Variants in NKAIN3 observed in about 807,000 individuals in gnomAD.
The protein encoded by NKAIN3 is sodium/potassium transporting ATPase interacting 3, also known as sodium/potassium-transporting ATPase subunit beta-1-interacting protein 3.
A neutral mutation model predicts 30.2 loss-of-function variants in NKAIN3; 25 were observed. The ratio of observed to expected loss-of-function variants is 0.83; its 90% confidence interval spans 0.60 to 1.16. The LOEUF (loss-of-function observed/expected upper bound fraction) is 1.16, where lower values mean the gene tolerates loss of function less well. NKAIN3 is among the 50% of genes most tolerant of loss of function. The pLI, the probability that NKAIN3 is intolerant of heterozygous loss-of-function variation, is 0.00. For synonymous variants in NKAIN3, 91 were observed against 89.6 expected, an observed-to-expected ratio of 1.02 and a Z score of -0.09; for missense variants, 225 against 254.1, an observed-to-expected ratio of 0.89 and a Z score of 0.78.
At chr8:62,388,806 G>A (rs368732978) in intron 1 of NKAIN3, among the ~76,000 whole-genome samples, 5 of 152,174 alleles carry the variant, frequency 3.3e-5, no homozygotes, top group African/African-American at 1.2e-4. Context: ...GCGTGCTGTT[G>A]AGTGTAAGGT....
chr8:62,504,203 C>G (rs1321440285), intron 1 of NKAIN3, among the ~76,000 whole-genome samples: 1 of 152,096 alleles, frequency 6.6e-6, no homozygotes, highest in East Asian at 1.9e-4. Context: ...TGAGGTGGAA[C>G]AGTTTCATCC....
At chr8:62,645,440 G>A (rs1248772251) in intron 3 of NKAIN3, among the ~76,000 whole-genome samples, 1 of 152,146 alleles carries the variant, frequency 6.6e-6, no homozygotes, top group Non-Finnish European at 1.5e-5. Flanking sequence ...AGGGATAGAT[G>A]TAGGGAGAAT....
At chr8:62,302,164 G>A (rs1460344508) in intron 1 of NKAIN3, among the ~76,000 whole-genome samples, 2 of 152,068 alleles carry the variant, frequency 1.3e-5, no homozygotes, top group South Asian at 2.1e-4. Flanking sequence ...ACTTGGCAGT[G>A]TTTTCTATTT....
At chr8:62,512,627 A>G (rs1807848389) in intron 1 of NKAIN3, among the ~76,000 whole-genome samples, 1 of 152,136 alleles carries the variant, frequency 6.6e-6, no homozygotes, top group Non-Finnish European at 1.5e-5. Flanking sequence ...TCTAGAAGTG[A>G]CATTGGGGAA....
At chr8:62,650,083 C>G (rs771743892) in intron 3 of NKAIN3, among the ~76,000 whole-genome samples, 1 of 151,940 alleles carries the variant, frequency 6.6e-6, no homozygotes, top group Non-Finnish European at 1.5e-5. Flanking sequence ...GAAAAAAAAA[C>G]TGCATTTTGA....
chr8:62,761,861 T>C (rs1816674836), intron 4 of NKAIN3, among the ~76,000 whole-genome samples: 1 of 152,224 alleles, frequency 6.6e-6, no homozygotes, highest in Admixed American at 6.5e-5. Context: ...AGAGTTTATA[T>C]TGAGACTTAC....
At chr8:62,506,476 C>CTTTCTTTCTTTCTTTTT (rs71559373) in intron 1 of NKAIN3, among the ~76,000 whole-genome samples, 2 of 98,438 alleles carry the variant, frequency 2.0e-5, no homozygotes, top group Admixed American at 1.2e-4. Context: ...TTCTTTCTTT[C>CTTTCTTTCTTTCTTTTT]TTTTTTTTTT....
intron 4 of NKAIN3, among the ~76,000 whole-genome samples, chr8:62,820,788 C>A (rs1433334867): frequency 6.6e-6 from 1 of 152,010 alleles, no homozygotes; most frequent in Admixed American, 6.6e-5. Context: ...GTTAGAATAC[C>A]ATATTAGGGA....
At chr8:62,836,182 A>G (rs1001635332) in intron 4 of NKAIN3, among the ~76,000 whole-genome samples, 1 of 152,062 alleles carries the variant, frequency 6.6e-6, no homozygotes, top group Admixed American at 6.6e-5. Flanking sequence ...ACGGAATACC[A>G]GAGAGGTGAT....
At chr8:62,395,221 A>G (rs2129594863) in intron 1 of NKAIN3, among the ~76,000 whole-genome samples, 1 of 140,724 alleles carries the variant, frequency 7.1e-6, no homozygotes, top group South Asian at 2.3e-4. Flanking sequence ...TCCCAGACCG[A>G]GGGAGGTGCG....
intron 1 of NKAIN3, among the ~76,000 whole-genome samples, chr8:62,537,745 A>G (rs1322915461): frequency 6.6e-6 from 1 of 152,152 alleles, no homozygotes; most frequent in Non-Finnish European, 1.5e-5. Context: ...AGAATCTCAG[A>G]AAATAAATCC....
intron 1 of NKAIN3, among the ~76,000 whole-genome samples, chr8:62,505,693 A>C (rs549366468): frequency 6.6e-6 from 1 of 152,266 alleles, no homozygotes; most frequent in South Asian, 2.1e-4. Flanking sequence ...TATCATTGGT[A>C]TCTTAATCAA....
chr8:62,955,514 G>C (rs1014702671), intron 6 of NKAIN3, among the ~76,000 whole-genome samples: 1 of 151,672 alleles, frequency 6.6e-6, no homozygotes, highest in African/African-American at 2.4e-5. Flanking sequence ...GATGATGAAG[G>C]GTTTCTTTCA....
intron 4 of NKAIN3, among the ~76,000 whole-genome samples, chr8:62,843,579 C>T (rs1819592057): frequency 6.6e-6 from 1 of 151,978 alleles, no homozygotes; most frequent in Non-Finnish European, 1.5e-5. Context: ...AAGTGATCAG[C>T]CCACCTCGGC....
intron 4 of NKAIN3, among the ~76,000 whole-genome samples, chr8:62,900,993 C>T (rs1179352602): frequency 6.6e-6 from 1 of 152,102 alleles, no homozygotes; most frequent in African/African-American, 2.4e-5. Context: ...TCAGATGGAA[C>T]CCCTTGAATC....
chr8:62,785,644 G>A (rs926176649), intron 4 of NKAIN3, among the ~76,000 whole-genome samples: 3 of 152,058 alleles, frequency 2.0e-5, no homozygotes, highest in African/African-American at 7.2e-5. Context: ...TGACCTAGGG[G>A]AATTCATTCC....
At chr8:62,896,018 GACA>G (rs1469449478) in intron 4 of NKAIN3, among the ~76,000 whole-genome samples, 2 of 151,928 alleles carry the variant, frequency 1.3e-5, no homozygotes, top group East Asian at 3.9e-4. Flanking sequence ...ATTGAGTCAG[GACA>G]ACGTTGATGT....
At chr8:62,500,465 GAAA>G (rs764727490) in intron 1 of NKAIN3, among the ~76,000 whole-genome samples, 1 of 125,346 alleles carries the variant, frequency 8.0e-6, no homozygotes, top group Non-Finnish European at 1.7e-5. Context: ...AAGAAAGAAA[GAAA>G]GAAAGAAAGA....
intron 3 of NKAIN3, among the ~76,000 whole-genome samples, chr8:62,688,335 A>G (rs1813858351): frequency 6.6e-6 from 1 of 152,226 alleles, no homozygotes; most frequent in South Asian, 2.1e-4. Context: ...AATGGAGCAG[A>G]TGATACCTAT....
Sources: allele counts gnomAD v4.1 joint callset (sites outside exome capture counted in the v4.1 genomes callset), GRCh38; gene constraint gnomAD v4.1.1; transcripts MANE v1.5; gene names NCBI Gene and HGNC (gene_info 2026-07-23, HGNC 2026-07-21).